PRELID2: variants seen among roughly 807,000 people sequenced by gnomAD.
PRELID2 encodes PRELI domain containing 2.
In PRELID2, 25 loss-of-function variants were observed where a neutral mutation model predicts 28.4. The ratio of observed to expected loss-of-function variants is 0.88; its 90% confidence interval spans 0.64 to 1.23. The LOEUF is 1.23. PRELID2 is among the 50% of genes most tolerant of loss of function. The pLI, the probability that PRELID2 is intolerant of heterozygous loss-of-function variation, is 0.00. For missense variants in PRELID2, 201 were observed against 214.4 expected (o/e 0.94, Z 0.39); for synonymous variants, 76 against 71.6 (o/e 1.06, Z -0.31).
downstream of PRELID2, among the ~76,000 whole-genome samples, chr5:145,468,368 A>C (rs1752022498): frequency 6.6e-6 from 1 of 152,174 alleles, no homozygotes; most frequent in African/African-American, 2.4e-5. Flanking sequence ...ATAGTGCCTC[A>C]ATAAACATAC....
At chr5:145,374,973 C>A in the PRELID2 span, among the ~76,000 whole-genome samples, 4 of 152,130 alleles carry the variant, frequency 2.6e-5, no homozygotes, top group African/African-American at 9.7e-5. Flanking sequence ...TCTTCCCAAC[C>A]CTTCTTCGTT....
chr5:145,777,979 G>C (rs763826918), intron 5 of PRELID2, among the ~76,000 whole-genome samples: 1 of 152,186 alleles, frequency 6.6e-6, no homozygotes, highest in African/African-American at 2.4e-5. Context: ...GTTCCTGGAC[G>C]GAAGGGAGCA....
chr5:145,522,938 A>C (rs1752576509), intron 1 of PRELID2, among the ~76,000 whole-genome samples: 1 of 152,162 alleles, frequency 6.6e-6, no homozygotes, highest in Non-Finnish European at 1.5e-5. Flanking sequence ...CTTATAAGTA[A>C]TTGCAAGTGT....
At chr5:145,350,912 G>A in the PRELID2 span, among the ~76,000 whole-genome samples, 1 of 152,146 alleles carries the variant, frequency 6.6e-6, no homozygotes, top group African/African-American at 2.4e-5. Context: ...CATGCCCAGT[G>A]AATCTACTTA....
chr5:145,767,077 T>C (rs1757808476), intron 5 of PRELID2, among the ~76,000 whole-genome samples: 1 of 151,914 alleles, frequency 6.6e-6, no homozygotes, highest in Non-Finnish European at 1.5e-5. Context: ...GAATATACAT[T>C]CCCGTTTTCC....
At chr5:145,536,840 G>A (rs1203132607) in intron 1 of PRELID2, among the ~76,000 whole-genome samples, 1 of 151,834 alleles carries the variant, frequency 6.6e-6, no homozygotes, top group East Asian at 1.9e-4. Flanking sequence ...GGTCCTTTTG[G>A]TGTATATTTC....
chr5:145,423,999 G>A, the PRELID2 span, among the ~76,000 whole-genome samples: 1 of 151,714 alleles, frequency 6.6e-6, no homozygotes, highest in Non-Finnish European at 1.5e-5. Flanking sequence ...CCTGCCGTGT[G>A]AGGTGTCAGT....
chr5:145,589,135 T>C (rs1004763564), intron 1 of PRELID2, among the ~76,000 whole-genome samples: 3 of 150,636 alleles, frequency 2.0e-5, no homozygotes, highest in Admixed American at 2.0e-4. Flanking sequence ...TAAAATTCTC[T>C]GTGTGCCTAA....
chr5:145,409,284 C>T, the PRELID2 span, among the ~76,000 whole-genome samples: 1 of 152,112 alleles, frequency 6.6e-6, no homozygotes, highest in Non-Finnish European at 1.5e-5. Context: ...ATAAATCTCA[C>T]AAGGCCTAGA....
At chr5:145,776,334 T>C (rs1758407429) in intron 5 of PRELID2, among the ~76,000 whole-genome samples, 1 of 152,244 alleles carries the variant, frequency 6.6e-6, no homozygotes, top group African/African-American at 2.4e-5. Flanking sequence ...TGTGCCTGTG[T>C]TCAAGTAACT....
intron 3 of PRELID2, chr5:145,819,399 C>T (rs1754598078): frequency 6.2e-7 from 1 of 1,602,492 alleles, no homozygotes; most frequent in Non-Finnish European, 8.5e-7. Context: ...CAAAGAATCA[C>T]CAGAGTGCTT....
At chr5:145,265,916 G>C in the PRELID2 span, among the ~76,000 whole-genome samples, 2 of 152,072 alleles carry the variant, frequency 1.3e-5, no homozygotes, top group African/African-American at 2.4e-5. Context: ...GACTTCATGG[G>C]CAATAACCCA....
chr5:145,806,254 G>C (rs189665074), intron 4 of PRELID2, among the ~76,000 whole-genome samples: 1 of 151,902 alleles, frequency 6.6e-6, no homozygotes, highest in Non-Finnish European at 1.5e-5. Flanking sequence ...TTGCATAACT[G>C]TACAAAAATA....
intron 1 of PRELID2, among the ~76,000 whole-genome samples, chr5:145,826,535 A>C (rs571076314): frequency 6.6e-6 from 1 of 152,346 alleles, no homozygotes; most frequent in Admixed American, 6.5e-5. Context: ...TTCTTCACAG[A>C]ACGTGTAAAC....
At chr5:145,489,968 C>A (rs1752252364) in intron 1 of PRELID2, among the ~76,000 whole-genome samples, 1 of 152,062 alleles carries the variant, frequency 6.6e-6, no homozygotes, top group Admixed American at 6.5e-5. Context: ...AACGACTTTG[C>A]ATAAATTTGA....
At chr5:145,288,688 A>G in the PRELID2 span, among the ~76,000 whole-genome samples, 1 of 152,148 alleles carries the variant, frequency 6.6e-6, no homozygotes, top group African/African-American at 2.4e-5. Context: ...TGTGTTTATT[A>G]ACATATGAAT....
chr5:145,564,017 T>C (rs1392779144), intron 1 of PRELID2, among the ~76,000 whole-genome samples: 1 of 152,182 alleles, frequency 6.6e-6, no homozygotes, highest in Non-Finnish European at 1.5e-5. Context: ...CGTCAAAACA[T>C]CATGTTGTGC....
At chr5:145,531,706 T>C (rs1184901427) in intron 1 of PRELID2, among the ~76,000 whole-genome samples, 1 of 152,170 alleles carries the variant, frequency 6.6e-6, no homozygotes, top group African/African-American at 2.4e-5. Context: ...ACAGATTCCT[T>C]GCTCTCATGC....
At chr5:145,407,257 T>C in the PRELID2 span, among the ~76,000 whole-genome samples, 1 of 152,162 alleles carries the variant, frequency 6.6e-6, no homozygotes, top group South Asian at 2.1e-4. Context: ...GGATATAAAC[T>C]TGGTGCTATG....
Sources: allele counts gnomAD v4.1 joint callset (sites outside exome capture counted in the v4.1 genomes callset), GRCh38; gene constraint gnomAD v4.1.1; transcripts MANE v1.5; gene names NCBI Gene and HGNC (gene_info 2026-07-23, HGNC 2026-07-21).